Variants in RABGAP1L observed in about 807,000 individuals in gnomAD.
RABGAP1L encodes rab GTPase-activating protein 1-like.
In RABGAP1L, 63 loss-of-function variants were observed where a neutral mutation model predicts 137.7. The ratio of observed to expected loss-of-function variants is 0.46; its 90% CI spans 0.37 to 0.56. The LOEUF (loss-of-function observed/expected upper bound fraction) is 0.56, where lower values mean the gene tolerates loss of function less well. Among genes scored for constraint, RABGAP1L ranks in the 20% least tolerant of loss-of-function variants. The probability of loss-of-function intolerance (pLI) is 0.00; values close to 1 mark genes in which losing one functional copy is unlikely to be tolerated. For synonymous variants in RABGAP1L, 431 were observed against 433.7 expected, an observed-to-expected ratio of 0.99 and a Z score of 0.08; for missense variants, 1,095 against 1,244.0, an observed-to-expected ratio of 0.88 and a Z score of 1.80.
At chr1:174,853,450 G>C (rs761563705) in intron 19 of RABGAP1L, among the ~76,000 whole-genome samples, 4 of 151,954 alleles carry the variant, frequency 2.6e-5, no homozygotes, top group Non-Finnish European at 5.9e-5. Flanking sequence ...GCTAGCTTTG[G>C]GCTGGTTGCA....
intron 19 of RABGAP1L, among the ~76,000 whole-genome samples, chr1:174,858,203 G>GT (rs1350299829): frequency 1.3e-5 from 2 of 151,974 alleles, no homozygotes; most frequent in Non-Finnish European, 2.9e-5. Context: ...TTTTTGTAGA[G>GT]ATGGGGTCTC....
intron 7 of RABGAP1L, among the ~76,000 whole-genome samples, chr1:174,253,536 A>G (rs1179714195): frequency 3.9e-5 from 6 of 152,194 alleles, no homozygotes; most frequent in South Asian, 2.1e-4. Flanking sequence ...AGTTAATTCA[A>G]TACCTAGTAC....
intron 19 of RABGAP1L, among the ~76,000 whole-genome samples, chr1:174,908,173 A>G (rs1449584322): frequency 2.0e-5 from 3 of 152,220 alleles, no homozygotes; most frequent in Non-Finnish European, 4.4e-5. Context: ...TGTTAAATCT[A>G]AAAGGAGAGG....
intron 11 of RABGAP1L, among the ~76,000 whole-genome samples, chr1:174,308,034 A>G (rs961427740): frequency 1.3e-4 from 20 of 151,810 alleles, no homozygotes; most frequent in African/African-American, 4.8e-4. Context: ...ATCTCATTGT[A>G]GTTGTGATTT....
At chr1:174,314,001 CAG>C (rs1189134302) in intron 11 of RABGAP1L, among the ~76,000 whole-genome samples, 7 of 152,080 alleles carry the variant, frequency 4.6e-5, no homozygotes, top group African/African-American at 1.4e-4. Flanking sequence ...GTTTTGGTAT[CAG>C]GGTAATACTG....
At chr1:174,568,387 T>C (rs1667726614) in intron 13 of RABGAP1L, among the ~76,000 whole-genome samples, 1 of 152,182 alleles carries the variant, frequency 6.6e-6, no homozygotes, top group Admixed American at 6.5e-5. Flanking sequence ...AGGATAATAA[T>C]GATAACATCA....
chr1:174,596,379 C>T (rs1669919108), intron 13 of RABGAP1L, among the ~76,000 whole-genome samples: 1 of 152,076 alleles, frequency 6.6e-6, no homozygotes, highest in African/African-American at 2.4e-5. Context: ...GTTCCTCCCT[C>T]CTCTTCAGTT....
intron 13 of RABGAP1L, among the ~76,000 whole-genome samples, chr1:174,622,819 C>T (rs1246912331): frequency 6.6e-6 from 1 of 152,106 alleles, no homozygotes; most frequent in African/African-American, 2.4e-5. Context: ...CTAACCTGCA[C>T]GTTGTGCACA....
At chr1:174,614,742 C>T (rs62338463) in intron 13 of RABGAP1L, among the ~76,000 whole-genome samples, 6 of 152,328 alleles carry the variant, frequency 3.9e-5, no homozygotes, top group African/African-American at 1.4e-4. Context: ...GGTCTTTTCA[C>T]ATAGTCCCAT....
intron 17 of RABGAP1L, among the ~76,000 whole-genome samples, chr1:174,746,351 A>G (rs1241520660): frequency 6.6e-6 from 1 of 152,214 alleles, no homozygotes; most frequent in Admixed American, 6.5e-5. Context: ...TTAAAAAGCT[A>G]CTTCGTCATG....
intron 13 of RABGAP1L, among the ~76,000 whole-genome samples, chr1:174,633,162 G>A (rs1386542535): frequency 4.0e-5 from 6 of 150,820 alleles, no homozygotes; most frequent in Admixed American, 1.3e-4. Context: ...ATCTCCTTAA[G>A]CTGATAAGCA....
At chr1:174,784,992 T>C (rs1156352969) in intron 18 of RABGAP1L, among the ~76,000 whole-genome samples, 1 of 152,218 alleles carries the variant, frequency 6.6e-6, no homozygotes, top group Non-Finnish European at 1.5e-5. Flanking sequence ...AAGGTATGTT[T>C]TGGGGGTGAG....
At chr1:174,733,235 C>T (rs564481626) in intron 17 of RABGAP1L, among the ~76,000 whole-genome samples, 23 of 152,226 alleles carry the variant, frequency 1.5e-4, no homozygotes, top group African/African-American at 5.3e-4. Flanking sequence ...TCTCTAGATC[C>T]GATAACAGCT....
At chr1:174,721,266 A>G (rs76014701) in intron 17 of RABGAP1L, among the ~76,000 whole-genome samples, 3 of 152,322 alleles carry the variant, frequency 2.0e-5, no homozygotes, top group Non-Finnish European at 4.4e-5. Context: ...ACGGCCATAC[A>G]TAGAAGCATG....
chr1:174,543,056 A>G (rs755630862), intron 13 of RABGAP1L, among the ~76,000 whole-genome samples: 1 of 152,216 alleles, frequency 6.6e-6, no homozygotes, highest in Non-Finnish European at 1.5e-5. Context: ...GGTGCTGAGA[A>G]GAATGTATAT....
intron 13 of RABGAP1L, among the ~76,000 whole-genome samples, chr1:174,513,295 T>C (rs16847121): frequency 0.079 from 12,061 of 152,172 alleles, 669 homozygotes; most frequent in East Asian, 0.32. Context: ...GATTATTTAC[T>C]ACCTGAAAAA....
At position 174,170,429 on chromosome 1, in the gene RABGAP1L, G is replaced by A. The variant is rs555262935; in HGVS notation, c.-34+10772G>A. The stretch of plus-strand genomic sequence containing the variant: ...GCCGTGGCTCATGCCTGTAATCCCA[G>A]CACTTTGGAAGTCCGAGGCGGGCAG... On this transcript the variant is annotated intron_variant, in intron 1 of 25. Coordinates refer to ENST00000681986, the MANE Select transcript of RABGAP1L (RefSeq NM_001366446.1). 4.2e-4 allele frequency among the ~76,000 whole-genome samples: 64 copies of A among 152,232 alleles called. No homozygotes were observed. The South Asian group carries it at 0.012, about 29-fold the overall frequency.
chr1:174,201,920 C>A (rs566959351), intron 1 of RABGAP1L, among the ~76,000 whole-genome samples: 1 of 150,886 alleles, frequency 6.6e-6, no homozygotes. Context: ...TTTGTCCTTG[C>A]GACAGTTTGC....
In RABGAP1L at chr1:174,264,864, G is replaced by T. The variant is rs1437223626; in HGVS notation, c.987-7550G>T. Among the ~76,000 whole-genome samples, 4 of 151,820 alleles carry T rather than the reference G, an allele frequency of 2.6e-5. No individual in the cohort carries two copies. The South Asian group carries it at 8.4e-4, about 32-fold the overall frequency. ...AAAAAAAACAAAAGAAATGACAATC[G>T]AGAGAAAAAGAAATAGGAACTCCAA... On this transcript the variant is annotated intron_variant, in intron 7 of 25. Coordinates refer to ENST00000681986, the MANE Select transcript of RABGAP1L (RefSeq NM_001366446.1).
Sources: gnomAD v4.1 joint callset for allele counts (sites outside exome capture counted in the v4.1 genomes callset) on GRCh38, gnomAD v4.1.1 for gene constraint, MANE v1.5 for transcripts, NCBI Gene and HGNC (gene_info 2026-07-23, HGNC 2026-07-21) for gene names.